FAM241A: variants seen among roughly 807,000 people sequenced by gnomAD.
FAM241A encodes uncharacterized protein FAM241A.
In FAM241A, 7 loss-of-function variants were observed where a neutral mutation model predicts 12.2. That is an observed-to-expected ratio of 0.58 (90% CI 0.33 to 1.08). The LOEUF is 1.08. FAM241A is among the 50% of genes least tolerant of loss of function. The probability of loss-of-function intolerance (pLI) is 0.04; values close to 1 mark genes in which losing one functional copy is unlikely to be tolerated. For synonymous variants in FAM241A, 74 were observed against 68.2 expected (o/e 1.08, Z -0.42); for missense variants, 161 against 169.7 (o/e 0.95, Z 0.29).
chr4:112,170,527 G>C (rs112851879), intron 1 of FAM241A, among the ~76,000 whole-genome samples: 1 of 151,972 alleles, frequency 6.6e-6, no homozygotes, highest in Non-Finnish European at 1.5e-5. Flanking sequence ...GTGATCTGTC[G>C]ATCTGATAAT....
chr4:112,164,954 T>TA (rs1723564225), intron 1 of FAM241A, among the ~76,000 whole-genome samples: 2 of 151,932 alleles, frequency 1.3e-5, no homozygotes, highest in African/African-American at 4.8e-5. Context: ...CTCCAAAAAA[T>TA]ACAAAAAAAC....
chr4:112,145,523 GGTGCGTC>G lies in FAM241A; in HGVS notation c.-56_-50del. 8.3e-7 allele frequency: 1 copy of G among 1,209,308 alleles called. No individual in the cohort carries two copies. Among genetic ancestry groups the G allele is most frequent in the Non-Finnish European group, 1.0e-6 (1 of 971,278 alleles). 74.9% of individuals were successfully genotyped at this position (1,209,308 alleles called of 1,614,324 possible). A position where few individuals can be genotyped will look rare whatever the true frequency, so the allele number is the denominator to read the frequency against. On this transcript the variant is annotated 5_prime_UTR_variant, in exon 1 of 2. Coordinates refer to ENST00000309733, the MANE Select transcript of FAM241A (RefSeq NM_152400.3). Reference sequence around the variant, plus strand: ...CAGCCTTCGGGCGGCGGCGCTGCCTGGTGCGTCGCGGCGTGGTCCTCCGGCGGCTGTC... The same window carrying G: ...CAGCCTTCGGGCGGCGGCGCTGCCTGGCGGCGTGGTCCTCCGGCGGCTGTC...
chr4:112,172,936 G>A (rs1248854528), intron 1 of FAM241A, among the ~76,000 whole-genome samples: 1 of 152,154 alleles, frequency 6.6e-6, no homozygotes, highest in Non-Finnish European at 1.5e-5. Flanking sequence ...CACCCAGGCT[G>A]GAGTGCAGTG....
At chr4:112,168,410 A>G (rs570456323) in intron 1 of FAM241A, among the ~76,000 whole-genome samples, 1 of 152,352 alleles carries the variant, frequency 6.6e-6, no homozygotes, top group East Asian at 1.9e-4. Context: ...CTCCAAAGAA[A>G]AAAATCAGCC....
At chr4:112,178,179 C>A (rs1405117376) in intron 1 of FAM241A, among the ~76,000 whole-genome samples, 1 of 152,130 alleles carries the variant, frequency 6.6e-6, no homozygotes, top group Non-Finnish European at 1.5e-5. Flanking sequence ...ATAATGGTCT[C>A]TCCAAAGATG....
intron 1 of FAM241A, among the ~76,000 whole-genome samples, chr4:112,158,618 T>C (rs1723400247): frequency 6.6e-6 from 1 of 152,128 alleles, no homozygotes; most frequent in Non-Finnish European, 1.5e-5. Context: ...CATTGGGTTA[T>C]ATGCACTATG....
chr4:112,187,281 T>C lies in FAM241A; in HGVS notation c.*343T>C, dbSNP rs544999890. 3.8e-4 allele frequency: 69 copies of C among 183,298 alleles called. No homozygotes were observed. In the East Asian group the frequency reaches 9.8e-3, roughly 26 times the overall value. 11.4% of individuals were successfully genotyped at this position (183,298 alleles called of 1,614,324 possible). A position where few individuals can be genotyped will look rare whatever the true frequency, so the allele number is the denominator to read the frequency against. On this transcript the variant is annotated 3_prime_UTR_variant, in exon 2 of 2. Transcript: ENST00000309733. ...GACATGGAATTCAAATCAAGCAATA[T>C]AGTTCTTATAAAGAGTTCCAATAAA...
At chr4:112,175,810 T>C (rs1279113779) in intron 1 of FAM241A, among the ~76,000 whole-genome samples, 1 of 151,434 alleles carries the variant, frequency 6.6e-6, no homozygotes, top group African/African-American at 2.4e-5. Context: ...TGGGCAGGCT[T>C]GGAGCTGGGG....
intron 1 of FAM241A, chr4:112,171,483 G>T: frequency 1.3e-6 from 1 of 778,238 alleles, no homozygotes; most frequent in African/African-American, 1.7e-5. Context: ...CAAGCATTTT[G>T]AACTGGGAGG....
chr4:112,156,483 T>G (rs7675050), intron 1 of FAM241A, among the ~76,000 whole-genome samples: 13,483 of 152,258 alleles, frequency 0.089, 711 homozygotes, highest in South Asian at 0.13. Flanking sequence ...ACAGGTACAC[T>G]CTAAAACATA....
At chr4:112,146,482 A>AT (rs1723141057) in intron 1 of FAM241A, among the ~76,000 whole-genome samples, 1 of 152,256 alleles carries the variant, frequency 6.6e-6, no homozygotes, top group Non-Finnish European at 1.5e-5. Flanking sequence ...AAGATTAGGC[A>AT]AAAGGTTTAA....
chr4:112,178,005 T>C (rs1268046602), intron 1 of FAM241A, among the ~76,000 whole-genome samples: 1 of 152,184 alleles, frequency 6.6e-6, no homozygotes, highest in Non-Finnish European at 1.5e-5. Context: ...CAAATACTTA[T>C]TATGAGTCTA....
In FAM241A at chr4:112,193,440, G is replaced by A. The variant is rs1159941714; in HGVS notation, c.*6502G>A. ...CCTTGCCCATGCCTATGTCCTGAAT[G>A]GTAATGCCTAGGTTTTCTTCTAGGG... is the stretch of plus-strand genomic sequence containing the variant. On this transcript the variant is annotated 3_prime_UTR_variant, in exon 2 of 2. Transcript: ENST00000309733. The A allele has an allele frequency of 6.6e-6, 1 of 152,098 alleles. No homozygotes were observed. The highest frequency in any genetic ancestry group is 1.5e-5 in the Non-Finnish European group (1 of 68,010). The allele number at this position is 152,098 out of a possible 1,614,324, so 9.4% of individuals were successfully genotyped here.
rs1723122411 is a variant in FAM241A, at chr4:112,145,731, C to CAGGT, written c.152_153+2dup. 4 of 1,187,136 alleles carry CAGGT rather than the reference C, an allele frequency of 3.4e-6. No homozygotes were observed. The African/African-American group carries it at 6.4e-5, about 19-fold the overall frequency. 73.5% of individuals were successfully genotyped at this position (1,187,136 alleles called of 1,614,324 possible). ...CGGACAGCGGCCGAAGGAGAGCGAGCAGGTGAGCGCGGGGAGGGGCGGCGG... is the reference window on the plus strand; with the variant it reads ...CGGACAGCGGCCGAAGGAGAGCGAGCAGGTAGGTGAGCGCGGGGAGGGGCGGCGG... On this transcript the variant is annotated frameshift_variant and splice_region_variant, in exon 1 of 2. Coordinates refer to ENST00000309733, the MANE Select transcript of FAM241A (RefSeq NM_152400.3). LOFTEE classifies it high-confidence loss of function.
At chr4:112,182,525 G>A (rs1723960432) in intron 1 of FAM241A, among the ~76,000 whole-genome samples, 1 of 151,832 alleles carries the variant, frequency 6.6e-6, no homozygotes, top group Non-Finnish European at 1.5e-5. Context: ...AAATAGAAAT[G>A]CACCAGTTGG....
At chr4:112,181,578 T>G (rs1039417098) in intron 1 of FAM241A, among the ~76,000 whole-genome samples, 5 of 152,208 alleles carry the variant, frequency 3.3e-5, no homozygotes, top group Non-Finnish European at 5.9e-5. Context: ...TGACACACAT[T>G]GGCATTGAGT....
In FAM241A at chr4:112,187,995, A is replaced by G. The variant is rs1239862233; in HGVS notation, c.*1057A>G. 1 of 152,138 alleles carries G rather than the reference A, an allele frequency of 6.6e-6. No homozygotes were observed. Among genetic ancestry groups the G allele is most frequent in the African/African-American group, 2.4e-5 (1 of 41,446 alleles). 9.4% of individuals were successfully genotyped at this position (152,138 alleles called of 1,614,324 possible). A position where few individuals can be genotyped will look rare whatever the true frequency, so the allele number is the denominator to read the frequency against. The stretch of plus-strand genomic sequence containing the variant: ...AATTTGGAACTTAGCCAATTTTGAT[A>G]ATCTTTTTCTAAGGCTAAAGTCACA... On this transcript the variant is annotated 3_prime_UTR_variant, in exon 2 of 2. Transcript: ENST00000309733.
rs201899963 is a variant in FAM241A at position 112,186,987 on chromosome 4, T to C, written c.*49T>C. The C allele has an allele frequency of 1.6e-5, 25 of 1,568,592 alleles. No individual in the cohort carries two copies. The highest frequency in any genetic ancestry group is 2.2e-5 in the Non-Finnish European group (25 of 1,157,710). ...GACATTTGGTAGCCATATATGTAAT[T>C]GAAGAAGTTATATATTTCACTTTTT... On this transcript the variant is annotated 3_prime_UTR_variant, in exon 2 of 2. Coordinates refer to ENST00000309733, the MANE Select transcript of FAM241A (RefSeq NM_152400.3).
chr4:112,159,375 A>T (rs1208898282), intron 1 of FAM241A, among the ~76,000 whole-genome samples: 1 of 152,186 alleles, frequency 6.6e-6, no homozygotes, highest in Non-Finnish European at 1.5e-5. Flanking sequence ...TTGTGGAAAG[A>T]TAGGAGGAAA....
Sources: gnomAD v4.1 joint callset for allele counts (sites outside exome capture counted in the v4.1 genomes callset) on GRCh38, gnomAD v4.1.1 for gene constraint, MANE v1.5 for transcripts, NCBI Gene and HGNC (gene_info 2026-07-23, HGNC 2026-07-21) for gene names.